Variants in SYN3 observed in about 807,000 individuals in gnomAD.
The protein encoded by SYN3 is synapsin III.
Under a neutral mutation model 65.8 loss-of-function variants are expected in SYN3, and 35 were observed. The ratio of observed to expected loss-of-function variants is 0.53; its 90% CI spans 0.41 to 0.70. The LOEUF (loss-of-function observed/expected upper bound fraction) is 0.70, where lower values mean the gene tolerates loss of function less well. SYN3 is among the 30% of genes least tolerant of loss of function. SYN3 has a pLI of 0.00. For synonymous variants in SYN3, 270 were observed against 292.9 expected (o/e 0.92, Z 0.80); for missense variants, 680 against 749.0 (o/e 0.91, Z 1.08).
At chr22:32,671,225 C>T (rs965384375) in intron 6 of SYN3, among the ~76,000 whole-genome samples, 9 of 151,992 alleles carry the variant, frequency 5.9e-5, no homozygotes, top group African/African-American at 9.7e-5. Flanking sequence ...CTACAAAACC[C>T]GCCCATTTTC....
At chr22:33,013,282 C>T (rs551169915) in intron 1 of SYN3, among the ~76,000 whole-genome samples, 1 of 152,262 alleles carries the variant, frequency 6.6e-6, no homozygotes, top group East Asian at 1.9e-4. Flanking sequence ...CAAAGGGAGG[C>T]CAATCATGAA....
intron 6 of SYN3, among the ~76,000 whole-genome samples, chr22:32,673,097 T>C (rs2060393968): frequency 6.6e-6 from 1 of 152,162 alleles, no homozygotes; most frequent in Admixed American, 6.5e-5. Context: ...CACAAAACAA[T>C]AACTCTTCCT....
intron 7 of SYN3, among the ~76,000 whole-genome samples, chr22:32,582,147 G>T (rs574902940): frequency 4.9e-4 from 74 of 152,180 alleles, no homozygotes; most frequent in African/African-American, 1.7e-3. Context: ...TCCCTGGCTG[G>T]GGCTAAGTTG....
At chr22:33,055,477 T>A (rs1285739772) in intron 1 of SYN3, among the ~76,000 whole-genome samples, 1 of 152,206 alleles carries the variant, frequency 6.6e-6, no homozygotes. Flanking sequence ...TGGGAGACCT[T>A]CCCTGACTAC....
At chr22:32,619,207 C>T (rs530090122) in intron 6 of SYN3, among the ~76,000 whole-genome samples, 1 of 152,306 alleles carries the variant, frequency 6.6e-6, no homozygotes, top group East Asian at 1.9e-4. Context: ...TGAGGTCCGA[C>T]AGCACTGGCC....
At chr22:33,035,719 T>C (rs111937332) in intron 1 of SYN3, among the ~76,000 whole-genome samples, 66 of 152,280 alleles carry the variant, frequency 4.3e-4, no homozygotes, top group African/African-American at 1.5e-3. Context: ...GCTAGAACTA[T>C]AGGCACGTAC....
intron 4 of SYN3, among the ~76,000 whole-genome samples, chr22:32,930,442 T>A (rs550815687): frequency 6.6e-6 from 1 of 152,322 alleles, no homozygotes; most frequent in South Asian, 2.1e-4. Flanking sequence ...TTTTTCTTTA[T>A]GAATTACCCG....
intron 6 of SYN3, among the ~76,000 whole-genome samples, chr22:32,807,659 CAAGGA>C (rs1260974120): frequency 2.0e-5 from 3 of 150,458 alleles, no homozygotes; most frequent in Non-Finnish European, 4.4e-5. Context: ...ATACTGCTAG[CAAGGA>C]ATACAGCCTG....
At chr22:32,796,090 C>T (rs2046421630) in intron 6 of SYN3, among the ~76,000 whole-genome samples, 1 of 152,188 alleles carries the variant, frequency 6.6e-6, no homozygotes, top group South Asian at 2.1e-4. Flanking sequence ...AGGAAAAACA[C>T]ATGAACTCCA....
At chr22:32,849,840 A>G (rs1216827222) in intron 6 of SYN3, among the ~76,000 whole-genome samples, 1 of 152,164 alleles carries the variant, frequency 6.6e-6, no homozygotes, top group East Asian at 1.9e-4. Context: ...GACCTTGGTC[A>G]AGTCACTGCC....
At chr22:32,943,034 C>G (rs1288259931) in intron 3 of SYN3, among the ~76,000 whole-genome samples, 1 of 152,158 alleles carries the variant, frequency 6.6e-6, no homozygotes, top group African/African-American at 2.4e-5. Context: ...AGGATATTAT[C>G]CAGGAGAACT....
At chr22:32,933,680 C>T (rs1249207920) in intron 3 of SYN3, among the ~76,000 whole-genome samples, 3 of 152,216 alleles carry the variant, frequency 2.0e-5, no homozygotes, top group South Asian at 2.1e-4. Context: ...CCTCGTGATC[C>T]GCCCGCCTCG....
chr22:33,019,586 C>G (rs2053527411), intron 1 of SYN3, among the ~76,000 whole-genome samples: 1 of 152,202 alleles, frequency 6.6e-6, no homozygotes, highest in African/African-American at 2.4e-5. Flanking sequence ...CCTGACATGT[C>G]AGGCACTACA....
At chr22:32,645,175 T>G (rs900700151) in intron 6 of SYN3, among the ~76,000 whole-genome samples, 1 of 152,000 alleles carries the variant, frequency 6.6e-6, no homozygotes, top group African/African-American at 2.4e-5. Context: ...GGACCCAGAA[T>G]CCTCCCTAAA....
intron 3 of SYN3, among the ~76,000 whole-genome samples, chr22:32,975,638 C>T (rs761743849): frequency 1.1e-4 from 16 of 152,132 alleles, no homozygotes; most frequent in Admixed American, 3.9e-4. Context: ...TTGCCACCAC[C>T]GACTCGACTT....
intron 1 of SYN3, among the ~76,000 whole-genome samples, chr22:33,011,092 C>A (rs906759934): frequency 2.0e-5 from 3 of 152,148 alleles, no homozygotes; most frequent in Non-Finnish European, 4.4e-5. Flanking sequence ...ATCTGACTGT[C>A]CTAGCTAGGA....
At chr22:32,948,979 T>C (rs1282358851) in intron 3 of SYN3, among the ~76,000 whole-genome samples, 1 of 151,538 alleles carries the variant, frequency 6.6e-6, no homozygotes, top group African/African-American at 2.4e-5. Context: ...GGACCAGAAG[T>C]GTTTTGCATT....
At chr22:33,042,068 G>A (rs1484076203) in intron 1 of SYN3, among the ~76,000 whole-genome samples, 1 of 152,148 alleles carries the variant, frequency 6.6e-6, no homozygotes, top group Non-Finnish European at 1.5e-5. Flanking sequence ...CAAGGATAGA[G>A]CCCTCATGAT....
chr22:32,722,492 C>A (rs964467023), intron 6 of SYN3, among the ~76,000 whole-genome samples: 3 of 152,146 alleles, frequency 2.0e-5, no homozygotes, highest in Admixed American at 6.6e-5. Context: ...TAGAGAAGAC[C>A]AAGGGAAGAG....
Sources: allele counts gnomAD v4.1 joint callset (sites outside exome capture counted in the v4.1 genomes callset), GRCh38; gene constraint gnomAD v4.1.1; transcripts MANE v1.5; gene names NCBI Gene and HGNC (gene_info 2026-07-23, HGNC 2026-07-21).